CACNB2: variants seen among roughly 807,000 people sequenced by gnomAD.
CACNB2 encodes the protein voltage-dependent L-type calcium channel subunit beta-2.
Under a neutral mutation model 73.3 loss-of-function variants are expected in CACNB2, and 42 were observed. The observed-to-expected ratio is 0.57, with a 90% CI of 0.45 to 0.74. The LOEUF is 0.74. Among genes scored for constraint, CACNB2 ranks in the 30% least tolerant of loss-of-function variants. The pLI is 0.00. For missense variants in CACNB2, 940 were observed against 853.0 expected (o/e 1.10, Z -1.27); for synonymous variants, 348 against 310.3 (o/e 1.12, Z -1.28).
intron 6 of CACNB2, among the ~76,000 whole-genome samples, chr10:18,511,873 G>T (rs553983078): frequency 6.6e-6 from 1 of 152,266 alleles, no homozygotes; most frequent in South Asian, 2.1e-4. Context: ...TATACGGAGG[G>T]TTATAGACTC....
chr10:18,517,881 A>C (rs2051438229), intron 7 of CACNB2, among the ~76,000 whole-genome samples: 1 of 152,226 alleles, frequency 6.6e-6, no homozygotes, highest in African/African-American at 2.4e-5. Flanking sequence ...GTAAGACAAA[A>C]ACCTAAGATG....
chr10:18,450,603 G>C (rs77132393), intron 3 of CACNB2, among the ~76,000 whole-genome samples: 1 of 150,860 alleles, frequency 6.6e-6, no homozygotes, highest in South Asian at 2.1e-4. Flanking sequence ...AATGACCCTC[G>C]CCAGCTCCAG....
At chr10:18,411,788 G>C (rs567065244) in intron 3 of CACNB2, among the ~76,000 whole-genome samples, 2 of 152,264 alleles carry the variant, frequency 1.3e-5, no homozygotes, top group Admixed American at 1.3e-4. Context: ...AATTACAGGC[G>C]TGAGCCACTG....
chr10:18,231,409 C>T (rs915980198), intron 2 of CACNB2, among the ~76,000 whole-genome samples: 7 of 152,146 alleles, frequency 4.6e-5, no homozygotes, highest in African/African-American at 1.4e-4. Flanking sequence ...AAACTCTTGA[C>T]CTCAGGTGAT....
At chr10:18,288,704 C>CACACACACACACAGAG (rs746197406) in intron 2 of CACNB2, among the ~76,000 whole-genome samples, 1 of 151,246 alleles carries the variant, frequency 6.6e-6, no homozygotes, top group Non-Finnish European at 1.5e-5. Context: ...CACACACACA[C>CACACACACACACAGAG]AGAGATACCC....
intron 2 of CACNB2, among the ~76,000 whole-genome samples, chr10:18,227,595 GA>G (rs939545298): frequency 1.3e-5 from 2 of 152,184 alleles, no homozygotes; most frequent in Admixed American, 1.3e-4. Flanking sequence ...GTGATTTATT[GA>G]GGGAACTTAA....
intron 2 of CACNB2, among the ~76,000 whole-genome samples, chr10:18,397,342 G>A (rs2043764458): frequency 6.6e-6 from 1 of 152,092 alleles, no homozygotes; most frequent in African/African-American, 2.4e-5. Context: ...GCGCATGCCT[G>A]TAATTTCAGC....
intron 2 of CACNB2, among the ~76,000 whole-genome samples, chr10:18,245,821 G>T (rs572122335): frequency 7.3e-4 from 111 of 152,170 alleles, no homozygotes; most frequent in African/African-American, 2.6e-3. Flanking sequence ...TATGGGGTGG[G>T]AAGTGTTCCT....
At chr10:18,310,268 G>C (rs1433752557) in intron 2 of CACNB2, among the ~76,000 whole-genome samples, 1 of 151,940 alleles carries the variant, frequency 6.6e-6, no homozygotes, top group African/African-American at 2.4e-5. Flanking sequence ...GTAATAATTA[G>C]GTTTACTGTG....
At chr10:18,449,420 A>G (rs537271402) in intron 3 of CACNB2, among the ~76,000 whole-genome samples, 3 of 152,034 alleles carry the variant, frequency 2.0e-5, no homozygotes, top group African/African-American at 7.2e-5. Flanking sequence ...AACAACAAAA[A>G]ACAGAGAACT....
chr10:18,141,250 C>T, intron 1 of CACNB2: 1 of 1,424,562 alleles, frequency 7.0e-7, no homozygotes, highest in Non-Finnish European at 9.7e-7. Context: ...GCCCGCTTCC[C>T]GCAGCGCTTT....
At chr10:18,429,038 A>C (rs146026066) in intron 3 of CACNB2, among the ~76,000 whole-genome samples, 1 of 152,334 alleles carries the variant, frequency 6.6e-6, no homozygotes, top group East Asian at 1.9e-4. Flanking sequence ...CACATATCAA[A>C]GATTCCTTTT....
chr10:18,415,015 C>G (rs967386550), intron 3 of CACNB2, among the ~76,000 whole-genome samples: 1 of 152,162 alleles, frequency 6.6e-6, no homozygotes, highest in Non-Finnish European at 1.5e-5. Flanking sequence ...ATTTAATTAG[C>G]AAACATTTGA....
chr10:18,275,565 T>C (rs1378875063), intron 2 of CACNB2, among the ~76,000 whole-genome samples: 1 of 152,142 alleles, frequency 6.6e-6, no homozygotes, highest in Non-Finnish European at 1.5e-5. Flanking sequence ...CGTTTACCTA[T>C]GTAATGAACC....
intron 2 of CACNB2, among the ~76,000 whole-genome samples, chr10:18,398,927 G>A (rs1309315138): frequency 6.6e-6 from 1 of 152,124 alleles, no homozygotes; most frequent in Non-Finnish European, 1.5e-5. Flanking sequence ...ACTATGCAAT[G>A]TAAAAGCTCC....
At chr10:18,165,566 C>A (rs2131117842) in intron 2 of CACNB2, among the ~76,000 whole-genome samples, 1 of 152,318 alleles carries the variant, frequency 6.6e-6, no homozygotes, top group East Asian at 1.9e-4. Context: ...GCGTATGTCA[C>A]CATGCCCAGC....
Position 18,541,663 on chromosome 10 carries a change from C to A in CACNB2, c.*1939C>A, listed in dbSNP as rs895861660. ...ATCACCTGAGGTCAGGAGTTCAAGA[C>A]CAGCCTGGCCAACGTGGCGAAACCC... On this transcript the variant is annotated 3_prime_UTR_variant, in exon 14 of 14. Transcript: ENST00000324631. 6 of 152,096 alleles carry A rather than the reference C, an allele frequency of 3.9e-5. No homozygotes were observed. Among genetic ancestry groups the A allele is most frequent in the Non-Finnish European group, 7.3e-5 (5 of 68,048 alleles). 9.4% of individuals were successfully genotyped at this position (152,096 alleles called of 1,614,324 possible).
At chr10:18,144,684 A>G (rs532123109) in intron 1 of CACNB2, among the ~76,000 whole-genome samples, 3 of 152,372 alleles carry the variant, frequency 2.0e-5, no homozygotes, top group South Asian at 2.1e-4. Context: ...AAGGCTTAAG[A>G]TGAAATAAAG....
chr10:18,536,996 A>G (rs1218925236), intron 12 of CACNB2, among the ~76,000 whole-genome samples: 2 of 151,904 alleles, frequency 1.3e-5, no homozygotes, highest in East Asian at 3.9e-4. Flanking sequence ...TCCTAGGTTT[A>G]GTTTTGGAGG....
Sources: gnomAD v4.1 joint callset for allele counts (sites outside exome capture counted in the v4.1 genomes callset) on GRCh38, gnomAD v4.1.1 for gene constraint, MANE v1.5 for transcripts, NCBI Gene and HGNC (gene_info 2026-07-23, HGNC 2026-07-21) for gene names.